The following BLNK variants were observed in gnomAD, a reference collection of about 807,000 sequenced individuals.
BLNK encodes the protein B-cell linker protein.
In BLNK, 29 loss-of-function variants were observed where a neutral mutation model predicts 73.5. That is an observed-to-expected ratio of 0.39 (90% confidence interval 0.29 to 0.54). The LOEUF is 0.54. Among genes scored for constraint, BLNK ranks in the 20% least tolerant of loss-of-function variants. The probability of loss-of-function intolerance (pLI) is 0.61; values close to 1 mark genes in which losing one functional copy is unlikely to be tolerated. For missense variants in BLNK, 460 were observed against 562.8 expected, an observed-to-expected ratio of 0.82 and a Z score of 1.85; for synonymous variants, 176 against 200.8, an observed-to-expected ratio of 0.88 and a Z score of 1.04.
intron 4 of BLNK, among the ~76,000 whole-genome samples, chr10:96,228,546 T>G (rs1314311937): frequency 1.3e-5 from 2 of 152,206 alleles, no homozygotes; most frequent in African/African-American, 4.8e-5. Context: ...CATGAGCCAC[T>G]GCGCCTGGCC....
chr10:96,227,259 GC>G lies in BLNK; in HGVS notation c.361+150del, dbSNP rs751756779. On this transcript the variant is annotated intron_variant, in intron 5 of 16. Coordinates refer to ENST00000224337, the MANE Select transcript of BLNK (RefSeq NM_013314.4). ...ACAGCTTGGGATCCTTTACCTCGGA[GC>G]CCAGATCCCCTGCTTGGAGGTGGCG... The G allele has an allele frequency of 7.2e-4, 734 of 1,020,690 alleles. 2 individuals carry two copies. The highest frequency in any genetic ancestry group is 8.6e-4 in the Non-Finnish European group (611 of 710,310). 63.2% of individuals were successfully genotyped at this position (1,020,690 alleles called of 1,614,324 possible).
Position 96,189,378 on chromosome 10 carries a change from C to T in BLNK, c.*2595G>A, listed in dbSNP as rs2083294782. 1 of 573,928 alleles carries T rather than the reference C, an allele frequency of 1.7e-6. No homozygotes were observed. The highest frequency in any genetic ancestry group is 1.9e-5 in the African/African-American group (1 of 53,336). The allele number at this position is 573,928 out of a possible 1,614,324, so 35.6% of individuals were successfully genotyped here. ...CTATTTTCTAAAGAGACTTCCTCCA[C>T]TGCCAGGATCTTGAATAGTCTCCTG... On this transcript the variant is annotated 3_prime_UTR_variant, in exon 17 of 17. Transcript: ENST00000224337.
intron 8 of BLNK, among the ~76,000 whole-genome samples, chr10:96,212,637 G>A (rs2083975683): frequency 6.6e-6 from 1 of 152,072 alleles, no homozygotes; most frequent in Admixed American, 6.5e-5. Flanking sequence ...TATCACCCTC[G>A]GCAGGCACCT....
intron 16 of BLNK, among the ~76,000 whole-genome samples, chr10:96,194,768 A>ATTT (rs71034364): frequency 0.03 from 3,331 of 110,174 alleles, 247 homozygotes; most frequent in East Asian, 0.16. Flanking sequence ...AGAAATGCAA[A>ATTT]TTTTTTTTTT....
At chr10:96,265,574 G>T (rs1001879107) in intron 1 of BLNK, among the ~76,000 whole-genome samples, 1 of 152,146 alleles carries the variant, frequency 6.6e-6, no homozygotes, top group Non-Finnish European at 1.5e-5. Context: ...AAATTGAAAT[G>T]CAGGCCTAAG....
intron 8 of BLNK, 131 bp from the exon 9 acceptor site, chr10:96,210,038 G>T: frequency 1.1e-6 from 1 of 941,152 alleles, no homozygotes; most frequent in Non-Finnish European, 1.7e-6. Flanking sequence ...AGCACATATA[G>T]GTAGTTATAT....
rs949259126 is a variant in BLNK at position 96,191,965 on chromosome 10, T to A, written c.*8A>T. The A allele has an allele frequency of 6.2e-7, 1 of 1,613,642 alleles. No homozygotes were observed. The highest frequency in any genetic ancestry group is 8.5e-7 in the Non-Finnish European group (1 of 1,179,676). Reference sequence around the variant, plus strand: ...TGAAGCAATGGTATTGATCTTTTTTTTCCCCCTTTATGAAACTTTAACTGC... The same window carrying A: ...TGAAGCAATGGTATTGATCTTTTTTATCCCCCTTTATGAAACTTTAACTGC... On this transcript the variant is annotated 3_prime_UTR_variant, in exon 17 of 17. Transcript: ENST00000224337.
At position 96,216,733 on chromosome 10, in the gene BLNK, G is replaced by A. The variant is rs782568875; in HGVS notation, c.527C>T (p.Ala176Val). The A allele has an allele frequency of 5.3e-5, 85 of 1,613,220 alleles. No homozygotes were observed. The highest frequency in any genetic ancestry group is 7.1e-5 in the Non-Finnish European group (84 of 1,179,360). The stretch of plus-strand genomic sequence containing the variant: ...ATCTTCCACGGGGACCACATAATCA[G>A]CCTAACAGAAATACAAAACTGAATG... ...PKPKGLLEDE[A>V]DYVVPVEDND... Residue 176 changes from alanine to valine, a missense_variant and splice_region_variant, in exon 7 of 17, where the codon GCT (alanine) becomes GTT (valine). By Grantham distance (64) the Ala-to-Val change is moderately conservative. Transcript: ENST00000224337.
chr10:96,265,476 T>C (rs1843959385), intron 1 of BLNK, among the ~76,000 whole-genome samples: 1 of 152,228 alleles, frequency 6.6e-6, no homozygotes, highest in Admixed American at 6.5e-5. Flanking sequence ...CTCACTTTTC[T>C]ACCCAGGAGA....
At chr10:96,260,580 A>G (rs1056005564) in intron 1 of BLNK, among the ~76,000 whole-genome samples, 5 of 152,202 alleles carry the variant, frequency 3.3e-5, no homozygotes, top group African/African-American at 1.2e-4. Flanking sequence ...TATATATAGT[A>G]TTGTCATCTA....
At chr10:96,222,055 T>C (rs147670408) in intron 6 of BLNK, among the ~76,000 whole-genome samples, 182 of 152,348 alleles carry the variant, frequency 1.2e-3, no homozygotes, top group African/African-American at 4.1e-3. Context: ...GTCAAGGCTC[T>C]AGAATATGGT....
intron 16 of BLNK, among the ~76,000 whole-genome samples, chr10:96,193,692 G>A (rs1047347426): frequency 2.6e-5 from 4 of 152,092 alleles, no homozygotes; most frequent in East Asian, 1.9e-4. Context: ...GAAAAACAAC[G>A]TATTGGCCAC....
Position 96,212,175 on chromosome 10 carries a change from A to G in BLNK, c.677-2268T>C, listed in dbSNP as rs587657685. Among the ~76,000 whole-genome samples the G allele has an allele frequency of 6.6e-5, 10 of 152,234 alleles. No homozygotes were observed. The East Asian group carries it at 1.9e-3, about 29-fold the overall frequency. On this transcript the variant is annotated intron_variant, in intron 8 of 16. Transcript: ENST00000224337. ...TTGTCATGGTGGAACACTGTCACGG[A>G]GGACACTGGTGGAAAGCCTATGGTC...
chr10:96,251,800 C>T (rs1432849132), intron 1 of BLNK, among the ~76,000 whole-genome samples: 1 of 152,148 alleles, frequency 6.6e-6, no homozygotes, highest in African/African-American at 2.4e-5. Context: ...AGACACGTAA[C>T]TTAGTCACAC....
At chr10:96,219,719 T>G (rs1554900710) in intron 6 of BLNK, among the ~76,000 whole-genome samples, 1 of 152,228 alleles carries the variant, frequency 6.6e-6, no homozygotes, top group African/African-American at 2.4e-5. Flanking sequence ...ATATAGGAGT[T>G]AAGAAAAAAT....
chr10:96,270,118 A>G (rs1554915244), intron 1 of BLNK, among the ~76,000 whole-genome samples: 1 of 152,204 alleles, frequency 6.6e-6, no homozygotes, highest in African/African-American at 2.4e-5. Context: ...TTGTCCCGTC[A>G]GTGCTGATCA....
intron 1 of BLNK, among the ~76,000 whole-genome samples, chr10:96,268,964 A>C (rs1430471474): frequency 6.6e-6 from 1 of 152,252 alleles, no homozygotes; most frequent in Admixed American, 6.5e-5. Flanking sequence ...GATGTCAACC[A>C]GTCAGGACAG....
chr10:96,254,029 T>TA lies in BLNK; in HGVS notation c.48-6981dup, dbSNP rs199801155. Among the ~76,000 whole-genome samples the TA allele has an allele frequency of 1.7e-3, 200 of 119,736 alleles. No individual in the cohort carries two copies. In the Middle Eastern group the frequency reaches 0.017, roughly 10 times the overall value. 78.6% of individuals were successfully genotyped at this position (119,736 alleles called of 152,430 possible). On this transcript the variant is annotated intron_variant, in intron 1 of 16. Coordinates refer to ENST00000224337, the MANE Select transcript of BLNK (RefSeq NM_013314.4). ...GAGCAAGACTCTGTCTCAAAAAAAA[T>TA]AAAAAAAATTAAAAAAATAAAAAAA... is the stretch of plus-strand genomic sequence containing the variant.
chr10:96,207,245 G>C (rs1049176780), intron 10 of BLNK, among the ~76,000 whole-genome samples, 192 bp from the exon 11 acceptor site: 10 of 152,210 alleles, frequency 6.6e-5, no homozygotes, highest in African/African-American at 2.4e-4. Flanking sequence ...ACAGCCAGAA[G>C]TGTCCTATGA....
Sources: allele counts gnomAD v4.1 joint callset (sites outside exome capture counted in the v4.1 genomes callset), GRCh38; gene constraint gnomAD v4.1.1; transcripts MANE v1.5; gene names NCBI Gene and HGNC (gene_info 2026-07-23, HGNC 2026-07-21).